Variants in WIPI2 observed in about 807,000 individuals in gnomAD.
The protein encoded by WIPI2 is WD repeat domain phosphoinositide-interacting protein 2.
Under a neutral mutation model 52.3 loss-of-function variants are expected in WIPI2, and 28 were observed. The ratio of observed to expected loss-of-function variants is 0.54; its 90% confidence interval spans 0.40 to 0.73. The LOEUF is 0.73. Among genes scored for constraint, WIPI2 ranks in the 30% least tolerant of loss-of-function variants. The pLI is 0.00. For synonymous variants in WIPI2, 268 were observed against 245.0 expected (o/e 1.09, Z -0.88); for missense variants, 506 against 602.9 (o/e 0.84, Z 1.68).
At chr7:5,208,811 A>G (rs1009464684) in intron 3 of WIPI2, among the ~76,000 whole-genome samples, 3 of 151,926 alleles carry the variant, frequency 2.0e-5, no homozygotes, top group African/African-American at 4.8e-5. Context: ...ATAGCTTTGC[A>G]TTTTCTAGTT....
chr7:5,222,794 C>A, intron 8 of WIPI2, 122 bp downstream of exon 8: 1 of 974,450 alleles, frequency 1.0e-6, no homozygotes, highest in Non-Finnish European at 1.6e-6. Flanking sequence ...TCTAGCCCGG[C>A]TGGGTCACCG....
intron 3 of WIPI2, among the ~76,000 whole-genome samples, chr7:5,204,196 G>C (rs1782182943): frequency 6.6e-6 from 1 of 152,166 alleles, no homozygotes; most frequent in African/African-American, 2.4e-5. Flanking sequence ...GCCGGGCGCG[G>C]TGGCTCACGC....
At chr7:5,204,503 A>T (rs1367282875) in intron 3 of WIPI2, among the ~76,000 whole-genome samples, 1 of 152,210 alleles carries the variant, frequency 6.6e-6, no homozygotes, top group East Asian at 1.9e-4. Flanking sequence ...TAATAGAAAA[A>T]TATTAGAGCA....
At chr7:5,190,631 G>A (rs1583528889) in intron 1 of WIPI2, 138 bp downstream of exon 1, 1 of 843,642 alleles carries the variant, frequency 1.2e-6, no homozygotes, top group Non-Finnish European at 1.6e-6. Flanking sequence ...GCGTCCCCAG[G>A]GGCGGGCCCG....
rs184548747 is a variant in WIPI2, at chr7:5,228,039, C to T, written c.1014-65C>T. 7,937 of 1,514,758 alleles carry T rather than the reference C, an allele frequency of 5.2e-3. 27 individuals carry two copies. The highest frequency in any genetic ancestry group is 6.1e-3 in the Non-Finnish European group (6,626 of 1,093,802). 93.8% of individuals were successfully genotyped at this position (1,514,758 alleles called of 1,614,324 possible). ...TTTCCTCGCCTGCCAAAAGTGAGGCCGCCATGTAGTAAGACCGTTTCTGTG... is the reference window on the plus strand; with the variant it reads ...TTTCCTCGCCTGCCAAAAGTGAGGCTGCCATGTAGTAAGACCGTTTCTGTG... On this transcript the variant is annotated intron_variant, in intron 10 of 12. Coordinates refer to ENST00000288828, the MANE Select transcript of WIPI2 (RefSeq NM_015610.4).
intron 11 of WIPI2, 74 bp downstream of exon 11, chr7:5,228,285 T>A (rs1190971470): frequency 7.4e-7 from 1 of 1,359,472 alleles, no homozygotes; most frequent in Non-Finnish European, 9.9e-7. Flanking sequence ...GGCGAACGTT[T>A]GTTTATTTCC....
At chr7:5,211,413 A>G (rs1460213619) in intron 3 of WIPI2, among the ~76,000 whole-genome samples, 1 of 152,224 alleles carries the variant, frequency 6.6e-6, no homozygotes, top group Non-Finnish European at 1.5e-5. Context: ...CAGAGGTTGC[A>G]GTGAGTCGAG....
At position 5,209,627 on chromosome 7, in the gene WIPI2, G is replaced by A. The variant is rs571313184; in HGVS notation, c.212-4908G>A. Among the ~76,000 whole-genome samples, 4 of 152,266 alleles carry A rather than the reference G, an allele frequency of 2.6e-5. 2 individuals carry two copies. The highest frequency in any genetic ancestry group is 9.6e-5 in the African/African-American group (4 of 41,554). On this transcript the variant is annotated intron_variant, in intron 3 of 12. Coordinates refer to ENST00000288828, the MANE Select transcript of WIPI2 (RefSeq NM_015610.4). Reference sequence around the variant, plus strand: ...CTCTTTGAGATGATCGTCTCATACTGTTCTCACTTTGAAATCTCCCACCTC... The same window carrying A: ...CTCTTTGAGATGATCGTCTCATACTATTCTCACTTTGAAATCTCCCACCTC...
intron 12 of WIPI2, 133 bp downstream of exon 12, chr7:5,229,871 G>C: frequency 7.6e-7 from 1 of 1,319,998 alleles, no homozygotes; most frequent in Non-Finnish European, 1.0e-6. Context: ...GAACATAAGC[G>C]AGGTTGGTAA....
At chr7:5,202,292 G>C (rs1283213888) in intron 3 of WIPI2, among the ~76,000 whole-genome samples, 2 of 152,194 alleles carry the variant, frequency 1.3e-5, no homozygotes, top group Non-Finnish European at 2.9e-5. Context: ...AGCAGTACTG[G>C]AAGATAGATT....
chr7:5,218,757 C>T (rs1156369264), intron 7 of WIPI2: 1 of 152,204 alleles, frequency 6.6e-6, no homozygotes, highest in African/African-American at 2.4e-5. Context: ...AGACTGAAGG[C>T]TCCTTGTTCT....
intron 7 of WIPI2, among the ~76,000 whole-genome samples, chr7:5,221,929 C>A (rs4724461): frequency 0.82 from 124,036 of 151,090 alleles, 51,135 homozygotes; most frequent in East Asian, 0.96. Flanking sequence ...TGCCCGTGTA[C>A]CACACACAAA....
intron 2 of WIPI2, among the ~76,000 whole-genome samples, chr7:5,198,077 A>G (rs1781838382): frequency 6.6e-6 from 1 of 152,194 alleles, no homozygotes; most frequent in South Asian, 2.1e-4. Flanking sequence ...GTATGGACTC[A>G]TAAACGCAAG....
intron 3 of WIPI2, chr7:5,214,177 G>T: frequency 1.0e-6 from 1 of 998,426 alleles, no homozygotes; most frequent in Non-Finnish European, 1.3e-6. Flanking sequence ...CAGTTTCGTA[G>T]TAGTTTGTGT....
At chr7:5,190,589 C>A in intron 1 of WIPI2, 96 bp downstream of exon 1, 1 of 1,223,224 alleles carries the variant, frequency 8.2e-7, no homozygotes, top group Non-Finnish European at 1.1e-6. Context: ...GCGTCGCAGG[C>A]TCGGCCTCCC....
At chr7:5,214,513 G>A (rs1562397646) in intron 3 of WIPI2, 22 bp from the exon 4 acceptor site, 4 of 1,614,204 alleles carry the variant, frequency 2.5e-6, no homozygotes, top group Non-Finnish European at 3.4e-6. Context: ...GTTCACGCAT[G>A]TACTTCCCTT....
chr7:5,196,911 A>G (rs376201936), intron 2 of WIPI2, among the ~76,000 whole-genome samples: 3 of 152,042 alleles, frequency 2.0e-5, no homozygotes, highest in East Asian at 3.9e-4. Flanking sequence ...CAGGAGTTCA[A>G]GACCAGCCTG....
rs1241844696 is a variant in WIPI2, at chr7:5,228,131, G to A, written c.1041G>A (p.Val347=). 1.9e-6 allele frequency: 3 copies of A among 1,613,974 alleles called. No individual in the cohort carries two copies. The highest frequency in any genetic ancestry group is 2.2e-5 in the East Asian group (1 of 44,876). The change falls in exon 11 of 13, where the codon GTG becomes GTA. Residue 347 remains valine, a synonymous_variant. Transcript: ENST00000288828. ...ATIQKIPRLL[V]GAADGYLYMY... ...TTCAGAAGATCCCGCGGTTGTTGGT[G>A]GGTGCCGCCGACGGGTACCTGTACA...
At chr7:5,203,343 G>A (rs1782123222) in intron 3 of WIPI2, among the ~76,000 whole-genome samples, 1 of 152,166 alleles carries the variant, frequency 6.6e-6, no homozygotes, top group South Asian at 2.1e-4. Context: ...GCATCCTGGC[G>A]GAGCCGCAGA....
Sources: allele counts gnomAD v4.1 joint callset (sites outside exome capture counted in the v4.1 genomes callset), GRCh38; gene constraint gnomAD v4.1.1; transcripts MANE v1.5; gene names NCBI Gene and HGNC (gene_info 2026-07-23, HGNC 2026-07-21).